The following LSAMP variants were observed in gnomAD, a reference collection of about 807,000 sequenced individuals.
LSAMP encodes the protein limbic system associated membrane protein.
A neutral mutation model predicts 38.6 loss-of-function variants in LSAMP; 7 were observed. That is an observed-to-expected ratio of 0.18 (90% CI 0.10 to 0.34). LSAMP has a LOEUF of 0.34. LSAMP is among the 10% of genes least tolerant of loss of function. The pLI, the probability that LSAMP is intolerant of heterozygous loss-of-function variation, is 1.00. For synonymous variants in LSAMP, 154 were observed against 166.8 expected (o/e 0.92, Z 0.59); for missense variants, 313 against 420.0 (o/e 0.75, Z 2.23).
At chr3:116,083,377 G>A (rs1407768558) in intron 2 of LSAMP, among the ~76,000 whole-genome samples, 1 of 152,166 alleles carries the variant, frequency 6.6e-6, no homozygotes, top group African/African-American at 2.4e-5. Context: ...ATAAATTTAG[G>A]AGGACTTAAA....
intron 1 of LSAMP, among the ~76,000 whole-genome samples, chr3:116,209,947 A>C (rs1477220586): frequency 6.6e-6 from 1 of 151,804 alleles, no homozygotes; most frequent in African/African-American, 2.4e-5. Context: ...GTAGAGACGG[A>C]GTTTCACCAT....
intron 3 of LSAMP, among the ~76,000 whole-genome samples, chr3:115,939,936 C>A (rs1937853279): frequency 6.6e-6 from 1 of 152,088 alleles, no homozygotes; most frequent in Non-Finnish European, 1.5e-5. Context: ...AAGCCACGGA[C>A]CCTCACGGTG....
Position 116,220,677 on chromosome 3 carries a change from T to C in LSAMP, c.156-134121A>G, listed in dbSNP as rs189213880. ...TCGAGCATCATACATTTAAGAGTTT[T>C]AGGATCAAACTGGAATGGAAGAATG... On this transcript the variant is annotated intron_variant, in intron 1 of 6. Transcript: ENST00000490035. 2.6e-5 allele frequency among the ~76,000 whole-genome samples: 4 copies of C among 152,284 alleles called. No individual in the cohort carries two copies. In the East Asian group the frequency reaches 7.7e-4, roughly 29 times the overall value.
At chr3:115,927,457 C>T (rs1397289311) in intron 3 of LSAMP, among the ~76,000 whole-genome samples, 2 of 152,208 alleles carry the variant, frequency 1.3e-5, no homozygotes, top group African/African-American at 4.8e-5. Flanking sequence ...CCACACACAG[C>T]AGCTTGCTGC....
chr3:116,219,955 A>G (rs565960444), intron 1 of LSAMP, among the ~76,000 whole-genome samples: 27 of 152,288 alleles, frequency 1.8e-4, no homozygotes, highest in Admixed American at 5.2e-4. Context: ...TGGGTGGATC[A>G]CCTGAGGTCA....
At chr3:116,143,231 A>T (rs2107517827) in intron 1 of LSAMP, among the ~76,000 whole-genome samples, 1 of 151,946 alleles carries the variant, frequency 6.6e-6, no homozygotes, top group Non-Finnish European at 1.5e-5. Flanking sequence ...TGATTAAAAA[A>T]ATTTTCTCAT....
intron 1 of LSAMP, among the ~76,000 whole-genome samples, chr3:116,411,200 T>C (rs1441702968): frequency 6.6e-6 from 1 of 152,096 alleles, no homozygotes; most frequent in African/African-American, 2.4e-5. Context: ...AGTTCAACCA[T>C]TGTGGAAGTC....
chr3:116,341,989 C>A (rs1411493677), intron 1 of LSAMP, among the ~76,000 whole-genome samples: 65 of 152,058 alleles, frequency 4.3e-4, no homozygotes, highest in Non-Finnish European at 7.4e-5. Context: ...TAATTTCCCT[C>A]AGAGAAAAGG....
At chr3:116,404,089 A>C (rs1024810666) in intron 1 of LSAMP, among the ~76,000 whole-genome samples, 1 of 152,126 alleles carries the variant, frequency 6.6e-6, no homozygotes, top group African/African-American at 2.4e-5. Flanking sequence ...TTTTCCCCTA[A>C]AGTTTTAATT....
At chr3:115,872,889 T>C (rs1936082972) in intron 3 of LSAMP, among the ~76,000 whole-genome samples, 1 of 152,292 alleles carries the variant, frequency 6.6e-6, no homozygotes, top group South Asian at 2.1e-4. Flanking sequence ...GAACTAGGCA[T>C]GTGCTAAGCA....
chr3:115,904,769 C>G (rs1187190311), intron 3 of LSAMP, among the ~76,000 whole-genome samples: 1 of 152,096 alleles, frequency 6.6e-6, no homozygotes, highest in East Asian at 1.9e-4. Context: ...CTCTGCCTAC[C>G]TTTCCAACCT....
intron 3 of LSAMP, among the ~76,000 whole-genome samples, chr3:115,941,275 A>G (rs578236966): frequency 3.5e-4 from 54 of 152,288 alleles, no homozygotes; most frequent in South Asian, 3.5e-3. Flanking sequence ...TCCTCAAAAA[A>G]ACAGTAAGTG....
At chr3:115,810,560 C>G in intron 6 of LSAMP, 146 bp from the exon 7 acceptor site, 1 of 672,500 alleles carries the variant, frequency 1.5e-6, no homozygotes, top group Non-Finnish European at 2.7e-6. Flanking sequence ...GCCCAAGAAG[C>G]GCTCAAAACT....
At chr3:116,296,517 T>C (rs1553722271) in intron 1 of LSAMP, among the ~76,000 whole-genome samples, 5 of 151,294 alleles carry the variant, frequency 3.3e-5, no homozygotes, top group Non-Finnish European at 3.0e-5. Context: ...CCGTCTCTAC[T>C]AAAAAAATAC....
intron 1 of LSAMP, among the ~76,000 whole-genome samples, chr3:116,380,678 T>G (rs1387323751): frequency 6.6e-6 from 1 of 152,084 alleles, no homozygotes; most frequent in African/African-American, 2.4e-5. Flanking sequence ...GCTCTATAAC[T>G]TAATGCATTC....
At chr3:115,834,642 A>G (rs1222253294) in intron 6 of LSAMP, 1 of 976,370 alleles carries the variant, frequency 1.0e-6, no homozygotes, top group Non-Finnish European at 1.3e-6. Context: ...TTTAAATATT[A>G]TATATATGTA....
At chr3:116,178,591 T>G (rs576863403) in intron 1 of LSAMP, among the ~76,000 whole-genome samples, 1 of 152,070 alleles carries the variant, frequency 6.6e-6, no homozygotes, top group Non-Finnish European at 1.5e-5. Flanking sequence ...GGAAATATAC[T>G]ATGAATGCTA....
At chr3:116,351,872 C>T (rs1328399233) in intron 1 of LSAMP, among the ~76,000 whole-genome samples, 16 of 152,036 alleles carry the variant, frequency 1.1e-4, no homozygotes, top group Admixed American at 1.1e-3. Context: ...TATCTCATTG[C>T]TTCTCAGGGA....
chr3:116,193,041 T>C (rs538961534), intron 1 of LSAMP, among the ~76,000 whole-genome samples: 1 of 152,292 alleles, frequency 6.6e-6, no homozygotes, highest in South Asian at 2.1e-4. Flanking sequence ...CAATTACAAA[T>C]GAGGATGAGG....
Sources: allele counts gnomAD v4.1 joint callset (sites outside exome capture counted in the v4.1 genomes callset), GRCh38; gene constraint gnomAD v4.1.1; transcripts MANE v1.5; gene names NCBI Gene and HGNC (gene_info 2026-07-23, HGNC 2026-07-21).